CALN1: variants seen among roughly 807,000 people sequenced by gnomAD.
The protein encoded by CALN1 is calneuron 1.
Under a neutral mutation model 30.6 loss-of-function variants are expected in CALN1, and 17 were observed. The observed-to-expected ratio is 0.56, with a 90% CI of 0.38 to 0.83. The LOEUF (loss-of-function observed/expected upper bound fraction) is 0.83. CALN1 is among the 40% of genes least tolerant of loss of function. The probability of loss-of-function intolerance (pLI) is 0.00; values close to 1 mark genes in which losing one functional copy is unlikely to be tolerated. For synonymous variants in CALN1, 156 were observed against 131.4 expected (o/e 1.19, Z -1.28); for missense variants, 291 against 354.9 (o/e 0.82, Z 1.45).
chr7:72,214,244 C>T (rs1371012361), intron 3 of CALN1, among the ~76,000 whole-genome samples: 1 of 152,176 alleles, frequency 6.6e-6, no homozygotes, highest in Non-Finnish European at 1.5e-5. Context: ...CTTTGGGAGG[C>T]CTAGGCAGAC....
At chr7:72,314,623 T>C (rs1203337066) in intron 2 of CALN1, among the ~76,000 whole-genome samples, 1 of 151,352 alleles carries the variant, frequency 6.6e-6, no homozygotes, top group Non-Finnish European at 1.5e-5. Context: ...TTTCACCATA[T>C]TGGCCAGGCT....
chr7:72,232,652 G>T (rs1299348370), intron 3 of CALN1, among the ~76,000 whole-genome samples: 1 of 152,156 alleles, frequency 6.6e-6, no homozygotes, highest in Non-Finnish European at 1.5e-5. Context: ...TACAGACAGG[G>T]TTTCGCCATG....
intron 3 of CALN1, among the ~76,000 whole-genome samples, chr7:72,133,278 A>G (rs985528893): frequency 3.9e-5 from 6 of 152,240 alleles, no homozygotes; most frequent in African/African-American, 1.4e-4. Flanking sequence ...CATCACTTTG[A>G]CTAATGAGAT....
At chr7:71,831,287 T>C (rs1324466260) in intron 5 of CALN1, among the ~76,000 whole-genome samples, 1 of 152,158 alleles carries the variant, frequency 6.6e-6, no homozygotes, top group Non-Finnish European at 1.5e-5. Flanking sequence ...AAGATCAGCC[T>C]GGCCAAGATG....
At chr7:72,232,699 A>G (rs572344874) in intron 3 of CALN1, among the ~76,000 whole-genome samples, 4 of 152,350 alleles carry the variant, frequency 2.6e-5, no homozygotes, top group African/African-American at 9.6e-5. Flanking sequence ...GCCTCAGGTG[A>G]TCTGCCCATC....
At chr7:72,448,437 C>T (rs193256091), upstream of CALN1, among the ~76,000 whole-genome samples, 11 of 152,086 alleles carry the variant, frequency 7.2e-5, no homozygotes, top group Admixed American at 2.6e-4. Flanking sequence ...CCCCTTCCCA[C>T]GCTGCCTCTT....
In CALN1 at chr7:72,382,077, T is replaced by C. The variant is rs528035761; in HGVS notation, c.119+21174A>G. On this transcript the variant is annotated intron_variant, in intron 2 of 6. Coordinates refer to ENST00000395275, the MANE Select transcript of CALN1 (RefSeq NM_031468.4). ...TTATGGGTGGAGGGGATAAAATCAC[T>C]GCAATGTACAAACAAAACAAAAATG... is the stretch of plus-strand genomic sequence containing the variant. Among the ~76,000 whole-genome samples, 24 of 152,286 alleles carry C rather than the reference T, an allele frequency of 1.6e-4. No individual in the cohort carries two copies. The South Asian group carries it at 5.0e-3, about 32-fold the overall frequency.
intron 3 of CALN1, among the ~76,000 whole-genome samples, chr7:72,250,249 G>C (rs1421607398): frequency 1.3e-4 from 20 of 152,186 alleles, no homozygotes; most frequent in Admixed American, 1.3e-3. Flanking sequence ...AACTGTGAGA[G>C]GTTCAAACAA....
At chr7:72,065,695 C>T (rs1046511071) in intron 4 of CALN1, among the ~76,000 whole-genome samples, 1 of 152,036 alleles carries the variant, frequency 6.6e-6, no homozygotes, top group Non-Finnish European at 1.5e-5. Context: ...AGTTCAAGAC[C>T]AGCCTGGCCA....
At chr7:72,205,551 A>AAATAT in intron 3 of CALN1, among the ~76,000 whole-genome samples, 2 of 83,052 alleles carry the variant, frequency 2.4e-5, no homozygotes, top group Non-Finnish European at 3.9e-5. Flanking sequence ...GCAAAAAAAA[A>AAATAT]ATATATATAT....
intron 5 of CALN1, among the ~76,000 whole-genome samples, chr7:71,947,761 T>C (rs976076772): frequency 2.0e-5 from 3 of 151,880 alleles, no homozygotes; most frequent in Admixed American, 1.3e-4. Flanking sequence ...GCCAACATGG[T>C]GAAACCCTGC....
intron 5 of CALN1, among the ~76,000 whole-genome samples, chr7:72,013,477 C>T (rs1361005855): frequency 6.6e-6 from 1 of 151,956 alleles, no homozygotes; most frequent in Non-Finnish European, 1.5e-5. Flanking sequence ...CTGTCAAACT[C>T]CTGGGCTCAA....
At chr7:71,865,415 G>A (rs921017649) in intron 5 of CALN1, among the ~76,000 whole-genome samples, 1 of 152,236 alleles carries the variant, frequency 6.6e-6, no homozygotes, top group Non-Finnish European at 1.5e-5. Context: ...GGCCTCCCCA[G>A]AAGGTGATGC....
intron 4 of CALN1, among the ~76,000 whole-genome samples, chr7:72,086,845 T>C (rs1805517212): frequency 6.6e-6 from 1 of 152,144 alleles, no homozygotes; most frequent in African/African-American, 2.4e-5. Context: ...AAGTAATCCA[T>C]GAACTGTAGC....
At chr7:72,308,342 C>A (rs1014715176) in intron 2 of CALN1, among the ~76,000 whole-genome samples, 1 of 128,974 alleles carries the variant, frequency 7.8e-6, no homozygotes, top group Admixed American at 9.2e-5. Context: ...CCAGCCTGGG[C>A]CACAGAGTGA....
chr7:72,327,076 G>C (rs765794353), intron 2 of CALN1, among the ~76,000 whole-genome samples: 14 of 152,210 alleles, frequency 9.2e-5, no homozygotes, highest in Non-Finnish European at 1.8e-4. Context: ...TTGAGACTGA[G>C]TTTGTGGCAG....
chr7:72,388,645 T>G (rs6980137), intron 2 of CALN1, among the ~76,000 whole-genome samples: 13,075 of 152,210 alleles, frequency 0.086, 1,563 homozygotes, highest in African/African-American at 0.27. Flanking sequence ...AAAAAATTTA[T>G]TCTCATATTG....
chr7:72,374,316 G>A lies in CALN1; in HGVS notation c.119+28935C>T, dbSNP rs544990974. On this transcript the variant is annotated intron_variant, in intron 2 of 6. Coordinates refer to ENST00000395275, the MANE Select transcript of CALN1 (RefSeq NM_031468.4). ...GGCCGAGGCAGACAGATCACCTGAG[G>A]TCAGGAGCTCAATCCCAGCCTGGCC... is the stretch of plus-strand genomic sequence containing the variant. 6.6e-5 allele frequency among the ~76,000 whole-genome samples: 10 copies of A among 152,226 alleles called. No individual in the cohort carries two copies. In the South Asian group the frequency reaches 1.9e-3, roughly 28 times the overall value.
intron 3 of CALN1, among the ~76,000 whole-genome samples, chr7:72,195,073 G>A (rs1225576086): frequency 6.6e-6 from 1 of 152,152 alleles, no homozygotes; most frequent in Non-Finnish European, 1.5e-5. Flanking sequence ...GCAAGTTCAA[G>A]TCACTTTACA....
Sources: gnomAD v4.1 joint callset for allele counts (sites outside exome capture counted in the v4.1 genomes callset) on GRCh38, gnomAD v4.1.1 for gene constraint, MANE v1.5 for transcripts, NCBI Gene and HGNC (gene_info 2026-07-23, HGNC 2026-07-21) for gene names.